PRELID2: variants seen among roughly 807,000 people sequenced by gnomAD.
PRELID2 encodes the protein PRELI domain-containing protein 2.
Under a neutral mutation model 28.4 loss-of-function variants are expected in PRELID2, and 25 were observed. The ratio of observed to expected loss-of-function variants is 0.88; its 90% confidence interval spans 0.64 to 1.23. The LOEUF (loss-of-function observed/expected upper bound fraction) is 1.23. Ranked by LOEUF, PRELID2 falls within the 50% of genes most tolerant of loss-of-function variation. PRELID2 has a pLI of 0.00. For missense variants in PRELID2, 201 were observed against 214.4 expected (o/e 0.94, Z 0.39); for synonymous variants, 76 against 71.6 (o/e 1.06, Z -0.31).
At chr5:145,362,310 T>C in the PRELID2 span, among the ~76,000 whole-genome samples, 1 of 152,184 alleles carries the variant, frequency 6.6e-6, no homozygotes, top group Non-Finnish European at 1.5e-5. Flanking sequence ...TCCTCATACC[T>C]GGCCTTCAGG....
chr5:145,488,889 T>A (rs900501204), intron 1 of PRELID2, among the ~76,000 whole-genome samples: 1 of 152,154 alleles, frequency 6.6e-6, no homozygotes, highest in African/African-American at 2.4e-5. Flanking sequence ...GTTTTCAGAA[T>A]TTTTAGGCTG....
chr5:145,536,981 T>A (rs982339204), intron 1 of PRELID2, among the ~76,000 whole-genome samples: 2 of 151,792 alleles, frequency 1.3e-5, no homozygotes, highest in Non-Finnish European at 2.9e-5. Context: ...TTTTAATTTT[T>A]AAAAAATTAT....
At chr5:145,282,079 A>C in the PRELID2 span, among the ~76,000 whole-genome samples, 6 of 152,198 alleles carry the variant, frequency 3.9e-5, no homozygotes, top group African/African-American at 1.4e-4. Flanking sequence ...ACAAAAAGCT[A>C]CTTGTGAAGA....
rs909040096 is a variant in PRELID2 at position 145,652,347 on chromosome 5, C to T, written n.70+112584G>A. Reference sequence around the variant, plus strand: ...ACACTCTGCAGGATGTTATCCAGAACTTCCACAACCTAGCAAGGCAGGCCA... The same window carrying T: ...ACACTCTGCAGGATGTTATCCAGAATTTCCACAACCTAGCAAGGCAGGCCA... On this transcript the variant is annotated intron_variant and non_coding_transcript_variant, in intron 1 of 2. Coordinates refer to the PRELID2 transcript ENST00000510259. 1.8e-4 allele frequency among the ~76,000 whole-genome samples: 28 copies of T among 151,812 alleles called. No homozygotes were observed. The Middle Eastern group carries it at 0.01, about 55-fold the overall frequency.
chr5:145,313,964 G>A, the PRELID2 span, among the ~76,000 whole-genome samples: 1 of 152,132 alleles, frequency 6.6e-6, no homozygotes, highest in African/African-American at 2.4e-5. Flanking sequence ...TGTTCTGATG[G>A]CCGTTTCAAA....
At chr5:145,386,272 G>C in the PRELID2 span, among the ~76,000 whole-genome samples, 1 of 151,942 alleles carries the variant, frequency 6.6e-6, no homozygotes, top group African/African-American at 2.4e-5. Flanking sequence ...TGGAGGTGGA[G>C]GTAACCACCC....
At chr5:145,415,054 A>G in the PRELID2 span, among the ~76,000 whole-genome samples, 2 of 152,124 alleles carry the variant, frequency 1.3e-5, no homozygotes, top group Non-Finnish European at 1.5e-5. Flanking sequence ...TCTTATCACC[A>G]CACAGCACTT....
At position 145,739,629 on chromosome 5, in the gene PRELID2, A is replaced by AC. The variant is rs1031068680; in HGVS notation, n.70+25301_70+25302insG. ...AATTATGTTTAATAATTGTAGAAAA[A>AC]AGTTACAACATTCTCTGATGTGGTC... On this transcript the variant is annotated intron_variant and non_coding_transcript_variant, in intron 1 of 2. Coordinates refer to the PRELID2 transcript ENST00000510259. Among the ~76,000 whole-genome samples, 5 of 92,922 alleles carry AC rather than the reference A, an allele frequency of 5.4e-5. No homozygotes were observed. The South Asian group carries it at 1.5e-3, about 29-fold the overall frequency. 61.0% of individuals were successfully genotyped at this position (92,922 alleles called of 152,430 possible).
At chr5:145,582,627 C>T (rs1753116956) in intron 1 of PRELID2, among the ~76,000 whole-genome samples, 1 of 151,964 alleles carries the variant, frequency 6.6e-6, no homozygotes, top group South Asian at 2.1e-4. Context: ...ACCACTGATC[C>T]CACAGAAATA....
chr5:145,428,094 G>A, the PRELID2 span, among the ~76,000 whole-genome samples: 2 of 152,070 alleles, frequency 1.3e-5, no homozygotes, highest in Non-Finnish European at 2.9e-5. Flanking sequence ...GAGTAGCTGG[G>A]ATTACAGGTG....
chr5:145,623,735 T>C (rs1337478583), intron 1 of PRELID2, among the ~76,000 whole-genome samples: 1 of 152,204 alleles, frequency 6.6e-6, no homozygotes, highest in Non-Finnish European at 1.5e-5. Context: ...AAAATAAGCA[T>C]TTCCCCATAT....
chr5:145,474,473 G>A (rs140147270), intron 1 of PRELID2, among the ~76,000 whole-genome samples: 3 of 152,272 alleles, frequency 2.0e-5, no homozygotes, highest in Admixed American at 1.3e-4. Context: ...TAGCCATGAT[G>A]ACAGTCATTT....
chr5:145,819,331 G>A lies in PRELID2; in HGVS notation c.207+614C>T, dbSNP rs748782670. On this transcript the variant is annotated intron_variant, in intron 3 of 6. Coordinates refer to ENST00000683046, the MANE Select transcript of PRELID2 (RefSeq NM_205846.3). ...TCATAGCTCTAAAAGGACTCCCACTGAAAATCCCTCTATGGGTCAAGCAAT... is the reference window on the plus strand; with the variant it reads ...TCATAGCTCTAAAAGGACTCCCACTAAAAATCCCTCTATGGGTCAAGCAAT... The A allele has an allele frequency of 3.0e-6, 4 of 1,339,776 alleles. No individual in the cohort carries two copies. The Admixed American group carries it at 5.1e-5, about 17-fold the overall frequency. 83.0% of individuals were successfully genotyped at this position (1,339,776 alleles called of 1,614,324 possible).
chr5:145,541,145 T>G (rs1488868824), intron 1 of PRELID2, among the ~76,000 whole-genome samples: 1 of 152,032 alleles, frequency 6.6e-6, no homozygotes, highest in Admixed American at 6.6e-5. Flanking sequence ...TAATGAAAGT[T>G]TTTTATGCAA....
chr5:145,429,215 T>G, the PRELID2 span, among the ~76,000 whole-genome samples: 1 of 152,098 alleles, frequency 6.6e-6, no homozygotes, highest in African/African-American at 2.4e-5. Flanking sequence ...ATTAGGATGG[T>G]TTGAACCTGA....
At chr5:145,397,597 A>C in the PRELID2 span, among the ~76,000 whole-genome samples, 6 of 152,332 alleles carry the variant, frequency 3.9e-5, no homozygotes, top group Admixed American at 3.9e-4. Context: ...AAAATGCATC[A>C]TTCTGCTCTG....
chr5:145,410,921 T>C, the PRELID2 span, among the ~76,000 whole-genome samples: 2 of 152,074 alleles, frequency 1.3e-5, no homozygotes, highest in African/African-American at 4.8e-5. Flanking sequence ...CTTCTTCCTA[T>C]GAGCCCATCA....
chr5:145,625,690 G>A (rs1442803240), intron 1 of PRELID2, among the ~76,000 whole-genome samples: 2 of 152,110 alleles, frequency 1.3e-5, no homozygotes, highest in East Asian at 3.9e-4. Flanking sequence ...TGTACTGAAG[G>A]AAGAACCAAA....
intron 1 of PRELID2, among the ~76,000 whole-genome samples, chr5:145,588,906 CCTGAT>C (rs1753189679): frequency 6.6e-6 from 1 of 151,642 alleles, no homozygotes; most frequent in Non-Finnish European, 1.5e-5. Context: ...GTCATTTTCT[CCTGAT>C]TATAGGAGTG....
Sources: allele counts gnomAD v4.1 joint callset (sites outside exome capture counted in the v4.1 genomes callset), GRCh38; gene constraint gnomAD v4.1.1; transcripts MANE v1.5; gene names NCBI Gene and HGNC (gene_info 2026-07-23, HGNC 2026-07-21).